Variants in KCNQ1 observed in about 807,000 individuals in gnomAD.
KCNQ1 encodes the protein potassium voltage-gated channel subfamily KQT member 1.
KCNQ1 carries 49 observed loss-of-function variants against 72.4 expected under a neutral mutation model. The ratio of observed to expected loss-of-function variants is 0.68; its 90% CI spans 0.54 to 0.86. The LOEUF (loss-of-function observed/expected upper bound fraction) is 0.86, where lower values mean the gene tolerates loss of function less well. Among genes scored for constraint, KCNQ1 ranks in the 40% least tolerant of loss-of-function variants. KCNQ1 has a pLI of 0.00. For missense variants in KCNQ1, 790 were observed against 945.1 expected (o/e 0.84, Z 2.15); for synonymous variants, 450 against 412.6 (o/e 1.09, Z -1.10).
At chr11:2,558,146 G>A (rs749984437) in intron 2 of KCNQ1, among the ~76,000 whole-genome samples, 8 of 152,208 alleles carry the variant, frequency 5.3e-5, no homozygotes, top group Admixed American at 2.0e-4. Flanking sequence ...CGTAGGCCCC[G>A]CTGCCTGCCC....
chr11:2,731,608 G>C (rs1221792144), intron 11 of KCNQ1, among the ~76,000 whole-genome samples: 2 of 152,262 alleles, frequency 1.3e-5, no homozygotes, highest in African/African-American at 4.8e-5. Context: ...CTCCGGAACA[G>C]ACCCATCTTT....
intron 2 of KCNQ1, among the ~76,000 whole-genome samples, chr11:2,551,336 C>T (rs61871492): frequency 3.7e-4 from 56 of 152,334 alleles, no homozygotes; most frequent in East Asian, 9.7e-4. Flanking sequence ...TTTTCCAGAA[C>T]GTCATGTGAA....
chr11:2,575,999 C>A (rs1327940046), intron 6 of KCNQ1, among the ~76,000 whole-genome samples: 1 of 152,244 alleles, frequency 6.6e-6, no homozygotes, highest in Non-Finnish European at 1.5e-5. Flanking sequence ...GTGCGGCCGC[C>A]TCTTTCCTCT....
Position 2,785,926 on chromosome 11 carries a change from CCT to C in KCNQ1, c.1794+7890_1794+7891del, listed in dbSNP as rs1425961430. 5.3e-5 allele frequency among the ~76,000 whole-genome samples: 8 copies of C among 151,990 alleles called. No individual in the cohort carries two copies. The highest frequency in any genetic ancestry group is 7.2e-5 in the African/African-American group (3 of 41,410). On this transcript the variant is annotated intron_variant, in intron 15 of 15. Coordinates refer to ENST00000155840, the MANE Select transcript of KCNQ1 (RefSeq NM_000218.3). This position sits in a 1 kb window ranked among gnomAD's most constrained non-coding sequence, Gnocchi z 4.4. ...ACACTTTAACTTCAATTATTCTCCC[CCT>C]GACTTAGTACTTTGCTGTTGTATAT...
intron 11 of KCNQ1, among the ~76,000 whole-genome samples, chr11:2,737,301 G>A (rs556925995): frequency 1.8e-4 from 27 of 152,274 alleles, no homozygotes; most frequent in South Asian, 4.1e-4. Flanking sequence ...AGCTGCTGCC[G>A]TGTGGGTGGA....
Position 2,803,388 on chromosome 11 carries a change from G to A in KCNQ1, c.1794+25351G>A, listed in dbSNP as rs997965057. On this transcript the variant is annotated intron_variant, in intron 15 of 15. Transcript: ENST00000155840. This position sits in a 1 kb window ranked among gnomAD's most constrained non-coding sequence, Gnocchi z 6.4. ...TTGGAGGATGTGGCAGAGTTCCCAT[G>A]GTGTGTGTAGAATGATATTCCCTCC... Among the ~76,000 whole-genome samples, 8 of 152,208 alleles carry A rather than the reference G, an allele frequency of 5.3e-5. No individual in the cohort carries two copies. The highest frequency in any genetic ancestry group is 1.4e-4 in the African/African-American group (6 of 41,470).
In KCNQ1 at chr11:2,750,478, G is replaced by C. The variant is rs2133962309; in HGVS notation, c.1515-18366G>C. 6.6e-6 allele frequency among the ~76,000 whole-genome samples: 1 copy of C among 152,308 alleles called. No individual in the cohort carries two copies. Among genetic ancestry groups the C allele is most frequent in the South Asian group, 2.1e-4 (1 of 4,830 alleles). ...CCAAGTTCTCTGGCTCCCAGGGTCT[G>C]TGTGGAATCCACCGGTTTCACCCCA... On this transcript the variant is annotated intron_variant, in intron 11 of 15. Transcript: ENST00000155840. This position sits in a 1 kb window ranked among gnomAD's most constrained non-coding sequence, Gnocchi z 6.3.
At chr11:2,573,063 T>C in intron 6 of KCNQ1, 77 bp downstream of exon 6, 1 of 1,526,610 alleles carries the variant, frequency 6.6e-7, no homozygotes, top group Non-Finnish European at 8.9e-7. Flanking sequence ...GGCACTGGTG[T>C]CTTGAGACTT....
At position 2,446,479 on chromosome 11, in the gene KCNQ1, G is replaced by A. The variant is rs544071317; in HGVS notation, c.386+995G>A. Among the ~76,000 whole-genome samples, 202 of 152,326 alleles carry A rather than the reference G, an allele frequency of 1.3e-3. No individual in the cohort carries two copies. The highest frequency in any genetic ancestry group is 0.011 in the South Asian group (52 of 4,828). ...CAGGTGGAAGCATCTCCTCTGCCTC[G>A]GGCAGGCTCAGTAGAGAACTGGCTG... On this transcript the variant is annotated intron_variant, in intron 1 of 15. Transcript: ENST00000155840. This position sits in a 1 kb window ranked among gnomAD's most constrained non-coding sequence, Gnocchi z 8.8.
chr11:2,679,419 T>C lies in KCNQ1; in HGVS notation c.1514+17338T>C. The C allele has an allele frequency of 2.5e-6, 1 of 398,652 alleles. No homozygotes were observed. Among genetic ancestry groups the C allele is most frequent in the Non-Finnish European group, 4.4e-6 (1 of 226,072 alleles). The allele number at this position is 398,652 out of a possible 1,614,324, so 24.7% of individuals were successfully genotyped here. ...TAAAATGGGAATCATAAGAGTACCTTCCTCAGAGGGTTGTTAGGAGGATTA... is the reference window on the plus strand; with the variant it reads ...TAAAATGGGAATCATAAGAGTACCTCCCTCAGAGGGTTGTTAGGAGGATTA... On this transcript the variant is annotated intron_variant, in intron 11 of 15. Coordinates refer to ENST00000155840, the MANE Select transcript of KCNQ1 (RefSeq NM_000218.3). The surrounding 1 kb of genome is among the most constrained non-coding windows in gnomAD (Gnocchi z 4.8).
Position 2,673,024 on chromosome 11 carries a change from A to G in KCNQ1, c.1514+10943A>G, listed in dbSNP as rs1850214790. On this transcript the variant is annotated intron_variant, in intron 11 of 15. Coordinates refer to ENST00000155840, the MANE Select transcript of KCNQ1 (RefSeq NM_000218.3). The surrounding 1 kb of genome is among the most constrained non-coding windows in gnomAD (Gnocchi z 4.5). ...AGTGAATCAATGTGTTACTTGAACA[A>G]ATATAGGGTCTAGGGCTGGCCAAAA... 11 of 398,676 alleles carry G rather than the reference A, an allele frequency of 2.8e-5. No individual in the cohort carries two copies. In the East Asian group the frequency reaches 3.9e-4, roughly 14 times the overall value. The allele number at this position is 398,676 out of a possible 1,614,324, so 24.7% of individuals were successfully genotyped here.
At position 2,458,941 on chromosome 11, in the gene KCNQ1, A is replaced by G. The variant is rs1390813952; in HGVS notation, c.386+13457A>G. On this transcript the variant is annotated intron_variant, in intron 1 of 15. Transcript: ENST00000155840. This position sits in a 1 kb window ranked among gnomAD's most constrained non-coding sequence, Gnocchi z 4.6. ...AGGTCCTCAATAAATGATGACAAAT[A>G]TTGGATTAAATTACTTCTGGTTTGC... Among the ~76,000 whole-genome samples the G allele has an allele frequency of 6.6e-6, 1 of 152,194 alleles. No homozygotes were observed. Among genetic ancestry groups the G allele is most frequent in the Non-Finnish European group, 1.5e-5 (1 of 68,028 alleles).
rs944692647 is a variant in KCNQ1 at position 2,507,387 on chromosome 11, G to A, written c.387-20541G>A. Among the ~76,000 whole-genome samples, 2 of 152,204 alleles carry A rather than the reference G, an allele frequency of 1.3e-5. No individual in the cohort carries two copies. Among genetic ancestry groups the A allele is most frequent in the Non-Finnish European group, 2.9e-5 (2 of 68,034 alleles). On this transcript the variant is annotated intron_variant, in intron 1 of 15. Transcript: ENST00000155840. This position sits in a 1 kb window ranked among gnomAD's most constrained non-coding sequence, Gnocchi z 5.4. ...GAGATGCGCAGGAGGCTGTGACTGA[G>A]GTGGCTGTGGGATGGGACGGCGTGG...
At position 2,507,364 on chromosome 11, in the gene KCNQ1, G is replaced by A. The variant is rs967052903; in HGVS notation, c.387-20564G>A. ...TGTGGGGTCATCGGGCAGGACACGA[G>A]ATGCGCAGGAGGCTGTGACTGAGGT... On this transcript the variant is annotated intron_variant, in intron 1 of 15. Coordinates refer to ENST00000155840, the MANE Select transcript of KCNQ1 (RefSeq NM_000218.3). The surrounding 1 kb of genome is among the most constrained non-coding windows in gnomAD (Gnocchi z 5.4). Among the ~76,000 whole-genome samples the A allele has an allele frequency of 2.0e-5, 3 of 152,178 alleles. No homozygotes were observed. Among genetic ancestry groups the A allele is most frequent in the Admixed American group, 6.5e-5 (1 of 15,276 alleles).
intron 10 of KCNQ1, among the ~76,000 whole-genome samples, chr11:2,590,864 G>C (rs1207484736): frequency 6.6e-6 from 1 of 152,210 alleles, no homozygotes; most frequent in South Asian, 2.1e-4. Context: ...CCCTGCCTCA[G>C]TTGTGCCAAG....
Position 2,570,743 on chromosome 11 carries a change from T to G in KCNQ1, c.593T>G (p.Ile198Ser). ...WGRLRFARKP[I>S]SIIDLIVVVA... ...CGGCTGCGCTTTGCCCGGAAGCCCA[T>G]TTCCATCATCGGTGAGTCATGCCTG... Residue 198 changes from isoleucine (I) to serine (S), a missense_variant, in exon 3 of 16, where the codon ATT becomes AGT. Physicochemically the swap from Ile to Ser is moderately radical, Grantham distance 142. Around this residue, in one of 5 missense-constraint regions of KCNQ1, gnomAD observed 294 missense variants for 323.3 expected, o/e 0.91. Coordinates refer to ENST00000155840, the MANE Select transcript of KCNQ1 (RefSeq NM_000218.3). 1 of 1,611,288 alleles carries G rather than the reference T, an allele frequency of 6.2e-7. No homozygotes were observed. The highest frequency in any genetic ancestry group is 8.5e-7 in the Non-Finnish European group (1 of 1,179,972).
At chr11:2,448,062 C>T (rs766402712) in intron 1 of KCNQ1, among the ~76,000 whole-genome samples, 2 of 152,252 alleles carry the variant, frequency 1.3e-5, no homozygotes, top group South Asian at 2.1e-4. Flanking sequence ...GCTTGCGCCC[C>T]CACTGGGGGC....
intron 2 of KCNQ1, among the ~76,000 whole-genome samples, chr11:2,553,467 G>A (rs1201535971): frequency 1.3e-5 from 2 of 151,980 alleles, no homozygotes; most frequent in Non-Finnish European, 2.9e-5. Context: ...AATAGAGAGT[G>A]CGTCAAGAAT....
rs1849306335 is a variant in KCNQ1, at chr11:2,628,919, G to C, written c.1394-33042G>C. On this transcript the variant is annotated intron_variant, in intron 10 of 15. Transcript: ENST00000155840. ...TTGGTGTCTTTGTCAAAGATTAGTT[G>C]ACCATAAATGTGTGGGTTTATTTCT... 5 of 398,218 alleles carry C rather than the reference G, an allele frequency of 1.3e-5. No homozygotes were observed. The East Asian group carries it at 1.8e-4, about 14-fold the overall frequency. 24.7% of individuals were successfully genotyped at this position (398,218 alleles called of 1,614,324 possible). A position where few individuals can be genotyped will look rare whatever the true frequency, so the allele number is the denominator to read the frequency against.
Sources: allele counts gnomAD v4.1 joint callset (sites outside exome capture counted in the v4.1 genomes callset), GRCh38; gene constraint gnomAD v4.1.1; regional missense constraint gnomAD v4.1.1; non-coding constraint Gnocchi (gnomAD v3.1); transcripts MANE v1.5; gene names NCBI Gene and HGNC (gene_info 2026-07-23, HGNC 2026-07-21).